SLC17A3: variants seen among roughly 807,000 people sequenced by gnomAD.
SLC17A3 encodes solute carrier family 17 member 3, also known as sodium-dependent phosphate transport protein 4.
In SLC17A3, 61 loss-of-function variants were observed where a neutral mutation model predicts 60.3. The observed-to-expected ratio is 1.01, with a 90% CI of 0.82 to 1.25. SLC17A3 has a LOEUF of 1.25. Ranked by LOEUF, SLC17A3 falls within the 50% of genes most tolerant of loss-of-function variation. SLC17A3 has a pLI of 0.00. For synonymous variants in SLC17A3, 192 were observed against 208.9 expected (o/e 0.92, Z 0.70); for missense variants, 624 against 594.9 (o/e 1.05, Z -0.51).
At chr6:25,857,599 T>C (rs1765379667) in intron 5 of SLC17A3, among the ~76,000 whole-genome samples, 1 of 152,036 alleles carries the variant, frequency 6.6e-6, no homozygotes, top group South Asian at 2.1e-4. Context: ...TTACTTGTGT[T>C]GCCTCATTTA....
intron 10 of SLC17A3, 134 bp downstream of exon 10, chr6:25,849,671 A>G (rs1765237330): frequency 9.6e-7 from 1 of 1,043,582 alleles, no homozygotes; most frequent in African/African-American, 1.6e-5. Context: ...ACATACCTGA[A>G]AAAAACGGCC....
At chr6:25,854,410 T>C (rs943969793) in intron 6 of SLC17A3, among the ~76,000 whole-genome samples, 13 of 150,166 alleles carry the variant, frequency 8.7e-5, no homozygotes, top group African/African-American at 3.1e-4. Context: ...CTGATATTAA[T>C]ATATCCCCCC....
intron 2 of SLC17A3, among the ~76,000 whole-genome samples, chr6:25,867,125 T>G (rs1471672760): frequency 6.6e-6 from 1 of 151,980 alleles, no homozygotes; most frequent in Non-Finnish European, 1.5e-5. Flanking sequence ...TTGCAATCCT[T>G]GATCTGGAAT....
chr6:25,862,108 T>C, intron 3 of SLC17A3, 79 bp from the exon 4 acceptor site: 1 of 1,405,074 alleles, frequency 7.1e-7, no homozygotes, highest in Non-Finnish European at 9.8e-7. Context: ...TTTAGACCTT[T>C]TGCTTGCTTT....
intron 5 of SLC17A3, among the ~76,000 whole-genome samples, chr6:25,856,265 C>T (rs1227645705): frequency 1.3e-5 from 2 of 152,038 alleles, no homozygotes. Flanking sequence ...GAGTCTTGCT[C>T]TGTCACTCAG....
intron 5 of SLC17A3, among the ~76,000 whole-genome samples, chr6:25,858,716 C>T (rs1440832865): frequency 6.6e-6 from 1 of 152,188 alleles, no homozygotes; most frequent in Non-Finnish European, 1.5e-5. Flanking sequence ...TGTTTTTTCT[C>T]ATGTCGCTAC....
intron 5 of SLC17A3, among the ~76,000 whole-genome samples, chr6:25,857,915 T>C (rs1765385284): frequency 6.6e-6 from 1 of 152,178 alleles, no homozygotes; most frequent in Admixed American, 6.5e-5. Context: ...CTATCCCAGG[T>C]TTGGACTCCT....
intron 11 of SLC17A3, among the ~76,000 whole-genome samples, chr6:25,848,548 T>A (rs993926996): frequency 2.0e-5 from 3 of 152,128 alleles, no homozygotes; most frequent in Admixed American, 1.3e-4. Flanking sequence ...GAAAGCCACA[T>A]GTAGGAGAAT....
In SLC17A3 at chr6:25,845,274, G is replaced by A; in HGVS notation, c.*27C>T. On this transcript the variant is annotated 3_prime_UTR_variant, in exon 13 of 13. Coordinates refer to ENST00000397060, the MANE Select transcript of SLC17A3 (RefSeq NM_001098486.2). ...TATTTTATGCAATACGGTGCCTAAT[G>A]ACTTTTCCATCCAAGGTGGGATAAC... 7.3e-7 allele frequency: 1 copy of A among 1,361,994 alleles called. No homozygotes were observed. The highest frequency in any genetic ancestry group is 1.2e-5 in the South Asian group (1 of 84,952). 84.4% of individuals were successfully genotyped at this position (1,361,994 alleles called of 1,614,324 possible). A position where few individuals can be genotyped will look rare whatever the true frequency, so the allele number is the denominator to read the frequency against.
chr6:25,845,379 C>T lies in SLC17A3; in HGVS notation c.*2+1G>A. ...CCATGCATAAAATCACTATCCTTTA[C>T]CTTCATAAACGAGTGAGTTTTCTCT... On this transcript the variant is annotated splice_donor_variant, in intron 12 of 12. Transcript: ENST00000397060. LOFTEE classifies it low-confidence loss of function (3UTR_SPLICE). 1.9e-6 allele frequency: 3 copies of T among 1,613,844 alleles called. No individual in the cohort carries two copies. Among genetic ancestry groups the T allele is most frequent in the Non-Finnish European group, 2.5e-6 (3 of 1,179,850 alleles).
At chr6:25,866,705 T>G (rs895372142) in intron 2 of SLC17A3, among the ~76,000 whole-genome samples, 26 of 151,934 alleles carry the variant, frequency 1.7e-4, no homozygotes, top group Admixed American at 1.6e-3. Flanking sequence ...GTTAAGACAT[T>G]ATTGTATTGA....
chr6:25,861,751 A>G (rs1284130102), intron 4 of SLC17A3, 40 bp from the exon 5 acceptor site: 1 of 1,610,070 alleles, frequency 6.2e-7, no homozygotes, highest in Non-Finnish European at 8.5e-7. Flanking sequence ...GTGTGGTGCC[A>G]TGTAGAAATT....
At position 25,862,009 on chromosome 6, in the gene SLC17A3, A is replaced by G. The variant is rs748113866; in HGVS notation, c.324T>C (p.Ser108=). ...CAAAGATGATGCCTTGGATTTGAGGAGACCAGTCATACACAGGAGCCTTAG... is the reference window on the plus strand; with the variant it reads ...CAAAGATGATGCCTTGGATTTGAGGGGACCAGTCATACACAGGAGCCTTAG... ...LPAKAPVYDW[S]PQIQGIIFGA... Residue 108 remains serine, a synonymous_variant, in exon 4 of 13, where the codon TCT becomes TCC. Coordinates refer to ENST00000397060, the MANE Select transcript of SLC17A3 (RefSeq NM_001098486.2). 1.2e-6 allele frequency: 2 copies of G among 1,607,726 alleles called. No homozygotes were observed.
rs527353361 is a variant in SLC17A3 at position 25,862,439 on chromosome 6, T to C, written c.97A>G (p.Ser33Gly). The part of the protein sequence containing the change: ...DETLIPRKVP[S>G]LCSARYGIAL... ...ATTCCATAGCGAGCAGAACATAAAC[T>C]TGGAACTGGAAATATTATGACATCA... The change falls in exon 3 of 13, where the codon AGT becomes GGT. Residue 33 changes from serine to glycine, a missense_variant. Physicochemically the swap from Ser to Gly is moderately conservative, Grantham distance 56 (BLOSUM62 0). Transcript: ENST00000397060. 9 of 1,612,560 alleles carry C rather than the reference T, an allele frequency of 5.6e-6. 1 individual carries two copies. In the Middle Eastern group the frequency reaches 5.0e-4, roughly 89 times the overall value.
intron 11 of SLC17A3, among the ~76,000 whole-genome samples, 180 bp from the exon 12 acceptor site, chr6:25,845,696 G>A (rs527739764): frequency 6.6e-6 from 1 of 152,232 alleles, no homozygotes; most frequent in African/African-American, 2.4e-5. Flanking sequence ...CTTAATAAAG[G>A]GTATTTGGGG....
At chr6:25,869,488 A>C (rs369801000) in intron 1 of SLC17A3, among the ~76,000 whole-genome samples, 4 of 151,980 alleles carry the variant, frequency 2.6e-5, no homozygotes, top group African/African-American at 9.7e-5. Context: ...ATTCAGAGGT[A>C]TGTTTTCACC....
chr6:25,849,026 T>C (rs922753611), intron 11 of SLC17A3, among the ~76,000 whole-genome samples: 1 of 152,210 alleles, frequency 6.6e-6, no homozygotes, highest in Non-Finnish European at 1.5e-5. Flanking sequence ...AAGGGTTCAT[T>C]TGTTTTTTGT....
At position 25,845,494 on chromosome 6, in the gene SLC17A3, T is replaced by C. The variant is rs1402559044; in HGVS notation, c.1385A>G (p.Asn462Ser). The part of the protein sequence containing the change: ...LSQDPEFGWR[N>S]VFFLLFAVNL... ...AACGGCAAACAGCAAGAAGAAGACATTCCTCCACCCAAACTCAGGGTCCTG... is the reference window on the plus strand; with the variant it reads ...AACGGCAAACAGCAAGAAGAAGACACTCCTCCACCCAAACTCAGGGTCCTG... The change falls in exon 12 of 13, where the codon AAT becomes AGT. Residue 462 changes from asparagine (N) to serine (S), a missense_variant. Physicochemically the swap from Asn to Ser is conservative, Grantham distance 46 (BLOSUM62 1). Transcript: ENST00000397060. 17 of 1,613,888 alleles carry C rather than the reference T, an allele frequency of 1.1e-5. No homozygotes were observed. The highest frequency in any genetic ancestry group is 1.2e-5 in the Non-Finnish European group (14 of 1,179,928).
At position 25,849,802 on chromosome 6, in the gene SLC17A3, T is replaced by C; in HGVS notation, c.1271+3A>G. The C allele has an allele frequency of 6.2e-7, 1 of 1,613,622 alleles. No individual in the cohort carries two copies. The highest frequency in any genetic ancestry group is 8.5e-7 in the Non-Finnish European group (1 of 1,179,524). On this transcript the variant is annotated splice_donor_region_variant and intron_variant, in intron 10 of 12. Transcript: ENST00000397060. ...AAACTGATAGTGGAGATCAGAGTCC[T>C]ACCTTGGAGCAATATCTAAGACATT...
Sources: gnomAD v4.1 joint callset for allele counts (sites outside exome capture counted in the v4.1 genomes callset) on GRCh38, gnomAD v4.1.1 for gene constraint, MANE v1.5 for transcripts, NCBI Gene and HGNC (gene_info 2026-07-23, HGNC 2026-07-21) for gene names.